Variants in SNX16 observed in about 807,000 individuals in gnomAD.
SNX16 encodes the protein sorting nexin-16.
Under a neutral mutation model 36.7 loss-of-function variants are expected in SNX16, and 35 were observed. The observed-to-expected ratio is 0.95, with a 90% CI of 0.73 to 1.27. The LOEUF (loss-of-function observed/expected upper bound fraction) is 1.27. Among genes scored for constraint, SNX16 ranks in the 50% most tolerant of loss-of-function variants. SNX16 has a pLI of 0.00. For missense variants in SNX16, 367 were observed against 393.6 expected, an observed-to-expected ratio of 0.93 and a Z score of 0.57; for synonymous variants, 134 against 132.0, an observed-to-expected ratio of 1.02 and a Z score of -0.10.
intron 2 of SNX16, 46 bp downstream of exon 2, chr8:81,839,566 C>A: frequency 6.6e-7 from 1 of 1,514,494 alleles, no homozygotes; most frequent in Non-Finnish European, 8.9e-7. Flanking sequence ...CAGAGATTAG[C>A]CAATCTTTCA....
At chr8:81,832,497 G>T (rs534892988) in intron 2 of SNX16, among the ~76,000 whole-genome samples, 2 of 152,144 alleles carry the variant, frequency 1.3e-5, no homozygotes, top group East Asian at 1.9e-4. Flanking sequence ...TTAGTATCCC[G>T]CAATATACCT....
chr8:81,838,628 A>G (rs772362688), intron 2 of SNX16, among the ~76,000 whole-genome samples: 35 of 151,912 alleles, frequency 2.3e-4, no homozygotes, highest in African/African-American at 6.5e-4. Context: ...ACAAAAATCA[A>G]TTCTGGTGGT....
At chr8:81,805,476 A>T (rs1317007087) in intron 5 of SNX16, among the ~76,000 whole-genome samples, 1 of 152,224 alleles carries the variant, frequency 6.6e-6, no homozygotes, top group Non-Finnish European at 1.5e-5. Context: ...GAATTTAATC[A>T]AGAGAATCAA....
rs747556540 is a variant in SNX16, at chr8:81,829,421, A to G, written c.462+9T>C. The G allele has an allele frequency of 6.5e-6, 8 of 1,234,580 alleles. No homozygotes were observed. The African/African-American group carries it at 1.3e-4, about 19-fold the overall frequency. 76.5% of individuals were successfully genotyped at this position (1,234,580 alleles called of 1,614,324 possible). ...TGAAATGTTAGTTTGGATTTATTATAGTACTTACTTTGTCATTAAGCCTAG... is the reference window on the plus strand; with the variant it reads ...TGAAATGTTAGTTTGGATTTATTATGGTACTTACTTTGTCATTAAGCCTAG... On this transcript the variant is annotated intron_variant, in intron 3 of 7. Coordinates refer to ENST00000345957, the MANE Select transcript of SNX16 (RefSeq NM_152836.3).
chr8:81,828,615 C>T (rs1313865719), intron 3 of SNX16, among the ~76,000 whole-genome samples: 1 of 152,144 alleles, frequency 6.6e-6, no homozygotes, highest in Non-Finnish European at 1.5e-5. Flanking sequence ...TATTATGTTA[C>T]ATAGAAAAAG....
intron 2 of SNX16, among the ~76,000 whole-genome samples, chr8:81,838,919 T>C (rs1811613481): frequency 6.6e-6 from 1 of 151,718 alleles, no homozygotes; most frequent in Admixed American, 6.6e-5. Flanking sequence ...AAGGGAGACT[T>C]CCCAAAAGAA....
chr8:81,840,144 A>T, intron 1 of SNX16, 62 bp from the exon 2 acceptor site: 2 of 791,382 alleles, frequency 2.5e-6, no homozygotes, highest in Non-Finnish European at 3.8e-6. Flanking sequence ...TTCAAAAGAA[A>T]AGTATTCTTT....
At chr8:81,837,122 C>T (rs1436375801) in intron 2 of SNX16, among the ~76,000 whole-genome samples, 1 of 152,194 alleles carries the variant, frequency 6.6e-6, no homozygotes, top group Non-Finnish European at 1.5e-5. Flanking sequence ...TGTCTTCCTT[C>T]TCTGTTTTAT....
chr8:81,804,964 C>T (rs565507609), intron 5 of SNX16, among the ~76,000 whole-genome samples: 22 of 151,772 alleles, frequency 1.4e-4, no homozygotes, highest in Admixed American at 9.2e-4. Flanking sequence ...TGGCAATTAA[C>T]GGATTAAACA....
At position 81,834,141 on chromosome 8, in the gene SNX16, G is replaced by C. The variant is rs575370331; in HGVS notation, c.376-4625C>G. 2.0e-5 allele frequency among the ~76,000 whole-genome samples: 3 copies of C among 152,318 alleles called. No individual in the cohort carries two copies. In the East Asian group the frequency reaches 5.8e-4, roughly 29 times the overall value. On this transcript the variant is annotated intron_variant, in intron 2 of 7. Transcript: ENST00000345957. The stretch of plus-strand genomic sequence containing the variant: ...TGGCTAGGGAGGCCTTATAATCATG[G>C]TGGAAAGTGAAGGCACATCTCACAT...
intron 3 of SNX16, among the ~76,000 whole-genome samples, chr8:81,829,084 C>T (rs1336054333): frequency 6.6e-6 from 1 of 152,090 alleles, no homozygotes; most frequent in African/African-American, 2.4e-5. Context: ...ATTTAAGCAA[C>T]AAAGTTTGTG....
chr8:81,808,475 G>A (rs760483844), intron 5 of SNX16: 14 of 974,954 alleles, frequency 1.4e-5, no homozygotes, highest in Admixed American at 3.4e-5. Flanking sequence ...GTGGTGGTGG[G>A]GGATATGGTG....
intron 5 of SNX16, among the ~76,000 whole-genome samples, chr8:81,806,505 TA>T (rs1223285366): frequency 6.6e-6 from 1 of 151,952 alleles, no homozygotes; most frequent in Non-Finnish European, 1.5e-5. Context: ...TTCTTTAATC[TA>T]AAAACAACAA....
chr8:81,803,274 T>TCAGGTGTGTTGTG, intron 5 of SNX16, 46 bp from the exon 6 acceptor site: 1 of 1,529,640 alleles, frequency 6.5e-7, no homozygotes, highest in Non-Finnish European at 8.8e-7. Flanking sequence ...AGAAAAAGAA[T>TCAGGTGTGTTGTG]ACAATTAATT....
At chr8:81,827,280 C>T (rs1174667108) in intron 3 of SNX16, among the ~76,000 whole-genome samples, 2 of 151,882 alleles carry the variant, frequency 1.3e-5, no homozygotes, top group African/African-American at 4.8e-5. Context: ...GAAGTAAACA[C>T]TAAATAACAG....
At chr8:81,820,478 C>A (rs140689678) in intron 4 of SNX16, among the ~76,000 whole-genome samples, 1 of 152,138 alleles carries the variant, frequency 6.6e-6, no homozygotes, top group East Asian at 1.9e-4. Flanking sequence ...ATAGAAGGAA[C>A]AGTACTGAGG....
At chr8:81,809,659 C>T (rs754999040) in intron 5 of SNX16, among the ~76,000 whole-genome samples, 10 of 151,988 alleles carry the variant, frequency 6.6e-5, no homozygotes, top group Non-Finnish European at 1.2e-4. Flanking sequence ...ATCAGACTGA[C>T]AAAAATTAAA....
chr8:81,819,054 T>C (rs909406911), intron 4 of SNX16, among the ~76,000 whole-genome samples: 1 of 152,078 alleles, frequency 6.6e-6, no homozygotes, highest in African/African-American at 2.4e-5. Flanking sequence ...TTAATCCAGA[T>C]CCATCCTGAA....
At chr8:81,820,652 C>A (rs1293478754) in intron 4 of SNX16, among the ~76,000 whole-genome samples, 2 of 145,874 alleles carry the variant, frequency 1.4e-5, no homozygotes, top group Non-Finnish European at 1.6e-5. Flanking sequence ...CTTAAGCATT[C>A]CAGGCTCCCC....
Sources: allele counts gnomAD v4.1 joint callset (sites outside exome capture counted in the v4.1 genomes callset), GRCh38; gene constraint gnomAD v4.1.1; transcripts MANE v1.5; gene names NCBI Gene and HGNC (gene_info 2026-07-23, HGNC 2026-07-21).